KCTD13: variants seen among roughly 807,000 people sequenced by gnomAD.
The protein encoded by KCTD13 is potassium channel tetramerization domain containing 13.
In KCTD13, 15 loss-of-function variants were observed where a neutral mutation model predicts 32.3. The ratio of observed to expected loss-of-function variants is 0.46; its 90% confidence interval spans 0.31 to 0.71. The LOEUF is 0.71. KCTD13 is among the 30% of genes least tolerant of loss of function. The pLI is 0.05. For missense variants in KCTD13, 337 were observed against 452.6 expected (o/e 0.74, Z 2.32); for synonymous variants, 189 against 200.1 (o/e 0.94, Z 0.47).
At chr16:29,923,045 A>G in intron 2 of KCTD13, 145 bp downstream of exon 2, 1 of 851,306 alleles carries the variant, frequency 1.2e-6, no homozygotes, top group Middle Eastern at 3.7e-4. Context: ...AGGGATGCAG[A>G]AGATGGCACC....
Position 29,912,036 on chromosome 16 carries a change from G to A in KCTD13, c.428C>T (p.Thr143Met), listed in dbSNP as rs752072569. ...GGGGATGAGGCACAGCGGGGACAGC[G>A]TCTCCCTTTTTTGCTGGGGAAGAAG... is the stretch of plus-strand genomic sequence containing the variant. ...CQLALQQKRETLSPLCLIPMV... is the reference protein window; with the variant it reads ...CQLALQQKREMLSPLCLIPMV... Residue 143 changes from threonine (T) to methionine (M), a missense_variant, in exon 3 of 6, where the codon ACG (threonine) becomes ATG (methionine). Transcript: ENST00000568000. 2.1e-5 allele frequency: 33 copies of A among 1,607,046 alleles called. No homozygotes were observed. Among genetic ancestry groups the A allele is most frequent in the South Asian group, 3.3e-5 (3 of 90,178 alleles).
rs773039788 is a variant in KCTD13 at position 29,906,911 on chromosome 16, G to A, written c.951C>T (p.Asp317=). ...RIHVRRHITH[D]ERPHGQQIVF... ...CAATTTGTTGGCCATGAGGACGCTCGTCGTGGGTGATATGGCGCCGGACAT... is the reference window on the plus strand; with the variant it reads ...CAATTTGTTGGCCATGAGGACGCTCATCGTGGGTGATATGGCGCCGGACAT... Residue 317 remains aspartate (D), a synonymous_variant, in exon 6 of 6, where the codon GAC becomes GAT. Transcript: ENST00000568000. 35 of 1,614,028 alleles carry A rather than the reference G, an allele frequency of 2.2e-5. No individual in the cohort carries two copies. Among genetic ancestry groups the A allele is most frequent in the African/African-American group, 6.7e-5 (5 of 74,912 alleles).
At chr16:29,910,863 G>T in intron 5 of KCTD13, 115 bp downstream of exon 5, 1 of 916,342 alleles carries the variant, frequency 1.1e-6, no homozygotes, top group Non-Finnish European at 1.7e-6. Context: ...CCAGACCCCA[G>T]GATCTGGCTC....
At chr16:29,923,450 T>TCTCA in intron 1 of KCTD13, 91 bp from the exon 2 acceptor site, 2 of 1,086,832 alleles carry the variant, frequency 1.8e-6, no homozygotes, top group Admixed American at 4.8e-5. Context: ...AGAGATGGAG[T>TCTCA]CTCACTATGT....
At chr16:29,923,783 G>A (rs2068952938) in intron 1 of KCTD13, among the ~76,000 whole-genome samples, 1 of 152,036 alleles carries the variant, frequency 6.6e-6, no homozygotes. Flanking sequence ...GAAGCCGGGA[G>A]GTGGAGTTTG....
At chr16:29,918,211 T>C (rs758122559) in intron 2 of KCTD13, among the ~76,000 whole-genome samples, 12 of 152,362 alleles carry the variant, frequency 7.9e-5, no homozygotes, top group South Asian at 4.1e-4. Flanking sequence ...TTGTGTGTCA[T>C]TGATAGGTAA....
Position 29,923,288 on chromosome 16 carries a change from GCA to G in KCTD13, c.314_315del (p.Val105AlafsTer26). ...TILNYLRDGS[V>X]PLPESTRELG... ...AGTTCTCTCGTACTCTCCGGCAGTG[GCA>G]CAGACCCATCCCGCAGGTAATTGAG... On this transcript the variant is annotated frameshift_variant, in exon 2 of 6. Transcript: ENST00000568000. LOFTEE classifies it high-confidence loss of function. 1 of 1,614,156 alleles carries G rather than the reference GCA, an allele frequency of 6.2e-7. No individual in the cohort carries two copies. Among genetic ancestry groups the G allele is most frequent in the Non-Finnish European group, 8.5e-7 (1 of 1,180,010 alleles).
intron 2 of KCTD13, chr16:29,913,121 A>AT (rs35756092): frequency 0.096 from 12,207 of 126,832 alleles, 723 homozygotes; most frequent in Non-Finnish European, 0.13. Flanking sequence ...TACTGAGGCC[A>AT]TTTTTTTTTT....
intron 2 of KCTD13, chr16:29,920,743 C>T (rs4609871): frequency 0.49 from 74,906 of 152,086 alleles, 18,569 homozygotes; most frequent in Non-Finnish European, 0.54. Flanking sequence ...GATGCCATGT[C>T]TTGATGAGGA....
At chr16:29,918,456 TTTTA>T (rs1372545342) in intron 2 of KCTD13, among the ~76,000 whole-genome samples, 2 of 152,110 alleles carry the variant, frequency 1.3e-5, no homozygotes, top group South Asian at 2.1e-4. Context: ...ATATCAGTCA[TTTTA>T]TTTATTTTAT....
chr16:29,910,892 C>T lies in KCTD13; in HGVS notation c.753+86G>A, dbSNP rs954195155. ...CTGGCTCCTGCCTCCTGGTGGTGGG[C>T]TCCTTCCCCTGCCAACCTGCTTTTG... On this transcript the variant is annotated intron_variant, in intron 5 of 5. Coordinates refer to ENST00000568000, the MANE Select transcript of KCTD13 (RefSeq NM_178863.5). 3.1e-6 allele frequency: 4 copies of T among 1,292,288 alleles called. No individual in the cohort carries two copies. The African/African-American group carries it at 4.4e-5, about 14-fold the overall frequency. The allele number at this position is 1,292,288 out of a possible 1,614,324, so 80.1% of individuals were successfully genotyped here.
At position 29,925,125 on chromosome 16, in the gene KCTD13, A is replaced by C. The variant is rs1233467697; in HGVS notation, c.244+665T>G. 3.3e-5 allele frequency among the ~76,000 whole-genome samples: 5 copies of C among 151,744 alleles called. No homozygotes were observed. In the East Asian group the frequency reaches 9.7e-4, roughly 29 times the overall value. ...TCCCTTAAGACTCTCCCACTCCCAA[A>C]CTCCAAAACTTCAAAGTCTCACTTG... On this transcript the variant is annotated intron_variant, in intron 1 of 5. Coordinates refer to ENST00000568000, the MANE Select transcript of KCTD13 (RefSeq NM_178863.5).
At position 29,906,974 on chromosome 16, in the gene KCTD13, C is replaced by T. The variant is rs1365096816; in HGVS notation, c.888G>A (p.Glu296=). Reference sequence around the variant, plus strand: ...CACGGTGCTCTCGGTTCTCTTCATCCTCCCCGCGGCCAGCCCCACCAGCTC... The same window carrying T: ...CACGGTGCTCTCGGTTCTCTTCATCTTCCCCGCGGCCAGCCCCACCAGCTC... ...AAGAGGAGRG[E]DEENREHRVR... The change falls in exon 6 of 6, where the codon GAG becomes GAA. Residue 296 remains glutamate, a synonymous_variant. Transcript: ENST00000568000. The T allele has an allele frequency of 6.2e-7, 1 of 1,614,214 alleles. No individual in the cohort carries two copies. Among genetic ancestry groups the T allele is most frequent in the Non-Finnish European group, 8.5e-7 (1 of 1,180,042 alleles).
At chr16:29,909,942 T>A (rs1353892983) in intron 5 of KCTD13, among the ~76,000 whole-genome samples, 1 of 151,700 alleles carries the variant, frequency 6.6e-6, no homozygotes, top group East Asian at 1.9e-4. Flanking sequence ...TACTAAAAAA[T>A]ACAAAAATTA....
intron 2 of KCTD13, among the ~76,000 whole-genome samples, chr16:29,912,850 T>C (rs2068741375): frequency 6.6e-6 from 1 of 152,244 alleles, no homozygotes; most frequent in Non-Finnish European, 1.5e-5. Context: ...ATACAGCTGA[T>C]GCTCTGTATT....
intron 2 of KCTD13, among the ~76,000 whole-genome samples, chr16:29,916,429 C>T (rs1314776091): frequency 6.6e-6 from 1 of 152,188 alleles, no homozygotes; most frequent in Non-Finnish European, 1.5e-5. Context: ...TAACAATCTC[C>T]TCAAAGTCCT....
rs774587516 is a variant in KCTD13 at position 29,911,040 on chromosome 16, G to A, written c.691C>T (p.Arg231Cys). ...GTGCAGCACACCTCGGCGATTTTGC[G>A]GCCCTGCCCGTAGAAAGACCAGCAG... is the stretch of plus-strand genomic sequence containing the variant. ...ICCWSFYGQG[R>C]KIAEVCCTSI... The change falls in exon 5 of 6, where the codon CGC becomes TGC. Residue 231 changes from arginine (R) to cysteine (C), a missense_variant. By Grantham distance (180) the Arg-to-Cys change is radical. Transcript: ENST00000568000. 5.0e-6 allele frequency: 8 copies of A among 1,614,010 alleles called. No individual in the cohort carries two copies. Among genetic ancestry groups the A allele is most frequent in the Middle Eastern group, 1.6e-4 (1 of 6,084 alleles).
In KCTD13 at chr16:29,911,070, T is replaced by C. The variant is rs2068699311; in HGVS notation, c.661A>G (p.Ile221Val). 6.2e-7 allele frequency: 1 copy of C among 1,614,106 alleles called. No homozygotes were observed. ...TGCCCGTAGAAAGACCAGCAGCAGA[T>C]CTCGTCCCCCAGGACATCCTTGAGG... is the stretch of plus-strand genomic sequence containing the variant. The part of the protein sequence containing the change: ...LFLKDVLGDE[I>V]CCWSFYGQGR... The change falls in exon 5 of 6, where the codon ATC (isoleucine) becomes GTC (valine). Residue 221 changes from isoleucine (I) to valine (V), a missense_variant. Ile to Val is a conservative substitution (Grantham distance 29, BLOSUM62 3). Transcript: ENST00000568000.
At chr16:29,922,675 C>T (rs2068933759) in intron 2 of KCTD13, 1 of 207,674 alleles carries the variant, frequency 4.8e-6, no homozygotes, top group African/African-American at 2.3e-5. Context: ...GGGAGTGGCC[C>T]TGCTTCTGTG....
Sources: gnomAD v4.1 joint callset for allele counts (sites outside exome capture counted in the v4.1 genomes callset) on GRCh38, gnomAD v4.1.1 for gene constraint, MANE v1.5 for transcripts, NCBI Gene and HGNC (gene_info 2026-07-23, HGNC 2026-07-21) for gene names.